PAH: variants seen among roughly 807,000 people sequenced by gnomAD.
PAH encodes phenylalanine hydroxylase, also known as phenylalanine-4-hydroxylase.
A neutral mutation model predicts 62.0 loss-of-function variants in PAH; 64 were observed. The ratio of observed to expected loss-of-function variants is 1.03; its 90% CI spans 0.84 to 1.27. The LOEUF (loss-of-function observed/expected upper bound fraction) is 1.27. Among genes scored for constraint, PAH ranks in the 50% most tolerant of loss-of-function variants. The pLI is 0.00. For missense variants in PAH, 579 were observed against 542.8 expected (o/e 1.07, Z -0.66); for synonymous variants, 195 against 196.2 (o/e 0.99, Z 0.05).
upstream of PAH, among the ~76,000 whole-genome samples, chr12:102,920,237 G>A (rs912986546): frequency 6.6e-6 from 1 of 152,190 alleles, no homozygotes; most frequent in South Asian, 2.1e-4. Context: ...ACTTGCAGAT[G>A]ATTTTTAAGC....
Position 102,939,858 on chromosome 12 carries a change from C to T in PAH, c.-96+10731G>A, listed in dbSNP as rs1280731069. ...GGGAGGAAACAAAAGCCCAAGCTTG[C>T]CCCAGGGCTGCAGTGTGCAGCCTGG... is the stretch of plus-strand genomic sequence containing the variant. On this transcript the variant is annotated intron_variant, in intron 1 of 3. Coordinates refer to the PAH transcript ENST00000546844. Among the ~76,000 whole-genome samples the T allele has an allele frequency of 3.3e-5, 5 of 152,066 alleles. No homozygotes were observed. In the South Asian group the frequency reaches 8.3e-4, roughly 25 times the overall value.
At chr12:102,909,716 T>C (rs112915864) in intron 2 of PAH, among the ~76,000 whole-genome samples, 9,686 of 152,292 alleles carry the variant, frequency 0.064, 512 homozygotes, top group African/African-American at 0.14. Context: ...CCCAGCACTT[T>C]GGGAGGCCAA....
chr12:102,856,061 A>G (rs73387592), intron 5 of PAH, among the ~76,000 whole-genome samples: 4,336 of 126,236 alleles, frequency 0.034, 208 homozygotes, highest in African/African-American at 0.13. Flanking sequence ...TACAATTTTT[A>G]TTTGTCAATT....
chr12:102,939,440 G>A (rs769187632), intron 1 of PAH, among the ~76,000 whole-genome samples: 9 of 152,142 alleles, frequency 5.9e-5, no homozygotes, highest in Non-Finnish European at 8.8e-5. Flanking sequence ...TCAGCTAAAC[G>A]TTCCCATTGG....
rs1037210201 is a variant in PAH at position 102,838,607 on chromosome 12, G to T, written c.*568C>A. The T allele has an allele frequency of 1.3e-5, 2 of 152,228 alleles. No individual in the cohort carries two copies. The highest frequency in any genetic ancestry group is 4.8e-5 in the African/African-American group (2 of 41,414). The allele number at this position is 152,228 out of a possible 1,614,324, so 9.4% of individuals were successfully genotyped here. Reference sequence around the variant, plus strand: ...TGATTACAATAAAACATACAAAAATGTTTTTATATTAATATAATACTAAAG... The same window carrying T: ...TGATTACAATAAAACATACAAAAATTTTTTTATATTAATATAATACTAAAG... On this transcript the variant is annotated 3_prime_UTR_variant, in exon 13 of 13. Transcript: ENST00000553106.
intron 9 of PAH, among the ~76,000 whole-genome samples, chr12:102,845,630 TCA>T (rs533264084): frequency 5.0e-4 from 76 of 152,296 alleles, no homozygotes; most frequent in African/African-American, 1.7e-3. Context: ...CTGGAGACAG[TCA>T]CAGTTTTGGA....
chr12:102,913,153 T>C (rs1238790437), intron 1 of PAH, among the ~76,000 whole-genome samples: 1 of 152,222 alleles, frequency 6.6e-6, no homozygotes, highest in Non-Finnish European at 1.5e-5. Flanking sequence ...ATGTCACCAT[T>C]CAATCCTGTA....
chr12:102,848,937 C>T (rs1473918534), intron 8 of PAH, among the ~76,000 whole-genome samples: 1 of 151,716 alleles, frequency 6.6e-6, no homozygotes, highest in Non-Finnish European at 1.5e-5. Flanking sequence ...AGACGGGACA[C>T]CAGGACACTG....
At chr12:102,917,584 G>T, upstream of PAH, 1 of 227,884 alleles carries the variant, frequency 4.4e-6, no homozygotes, top group South Asian at 6.5e-5. Flanking sequence ...TGAATAATCC[G>T]CCCCCCTTAC....
At chr12:102,870,039 G>T (rs1409364887) in intron 4 of PAH, among the ~76,000 whole-genome samples, 1 of 152,190 alleles carries the variant, frequency 6.6e-6, no homozygotes, top group East Asian at 1.9e-4. Flanking sequence ...GGAGTGGTGA[G>T]GGGGAGGGGA....
intron 3 of PAH, among the ~76,000 whole-genome samples, chr12:102,887,742 G>A (rs535409178): frequency 2.6e-5 from 4 of 152,078 alleles, no homozygotes; most frequent in Non-Finnish European, 4.4e-5. Flanking sequence ...AAGGAGAAGC[G>A]GTCATCCATC....
At chr12:102,945,309 T>G (rs1879453750) in intron 1 of PAH, among the ~76,000 whole-genome samples, 1 of 152,186 alleles carries the variant, frequency 6.6e-6, no homozygotes. Context: ...GCCCTAGGGC[T>G]CTACAATCAG....
intron 1 of PAH, among the ~76,000 whole-genome samples, chr12:102,943,305 AG>A (rs1193661187): frequency 6.6e-6 from 1 of 152,182 alleles, no homozygotes; most frequent in Admixed American, 6.5e-5. Context: ...ACACCCAACA[AG>A]CATATGAAAA....
chr12:102,953,247 G>A (rs1282202347), upstream of PAH: 1 of 152,144 alleles, frequency 6.6e-6, no homozygotes, highest in Non-Finnish European at 1.5e-5. Context: ...CAAGACTTGT[G>A]TTCATCTTTG....
At chr12:102,856,424 A>G (rs1472417885) in intron 5 of PAH, among the ~76,000 whole-genome samples, 1 of 152,236 alleles carries the variant, frequency 6.6e-6, no homozygotes, top group African/African-American at 2.4e-5. Context: ...ATAGCCAAAC[A>G]AAAGGCAGCA....
chr12:102,887,838 G>T (rs116714489), intron 3 of PAH, among the ~76,000 whole-genome samples: 1,881 of 152,196 alleles, frequency 0.012, 54 homozygotes, highest in African/African-American at 0.043. Context: ...TAAATTCATG[G>T]CCCTTAGTGC....
intron 1 of PAH, among the ~76,000 whole-genome samples, chr12:102,930,015 T>C (rs766330676): frequency 3.3e-5 from 5 of 152,236 alleles, no homozygotes; most frequent in African/African-American, 4.8e-5. Context: ...TTATGTGTTA[T>C]CTTTCTAAAA....
At chr12:102,908,734 G>A (rs913583757) in intron 2 of PAH, among the ~76,000 whole-genome samples, 20 of 151,696 alleles carry the variant, frequency 1.3e-4, no homozygotes, top group African/African-American at 3.9e-4. Context: ...CGTTATAAAC[G>A]AAAGACCATA....
intron 4 of PAH, among the ~76,000 whole-genome samples, chr12:102,871,429 C>G (rs1428145937): frequency 1.3e-5 from 2 of 152,170 alleles, no homozygotes; most frequent in Admixed American, 6.5e-5. Context: ...TCGTTTAGAC[C>G]AATAAGTCAC....
Sources: gnomAD v4.1 joint callset for allele counts (sites outside exome capture counted in the v4.1 genomes callset) on GRCh38, gnomAD v4.1.1 for gene constraint, MANE v1.5 for transcripts, NCBI Gene and HGNC (gene_info 2026-07-23, HGNC 2026-07-21) for gene names.